SMARCC1: variants seen among roughly 807,000 people sequenced by gnomAD.
SMARCC1 encodes the protein SWI/SNF complex subunit SMARCC1.
SMARCC1 carries 43 observed loss-of-function variants against 147.4 expected under a neutral mutation model. That is an observed-to-expected ratio of 0.29 (90% CI 0.23 to 0.38). The LOEUF (loss-of-function observed/expected upper bound fraction) is 0.38. Ranked by LOEUF, SMARCC1 falls within the 10% of genes least tolerant of loss-of-function variation. The pLI is 1.00. For missense variants in SMARCC1, 1,119 were observed against 1,381.1 expected (o/e 0.81, Z 3.01); for synonymous variants, 495 against 484.4 (o/e 1.02, Z -0.29).
chr3:47,680,632 C>T (rs1429854636), intron 14 of SMARCC1, 124 bp from the exon 15 acceptor site: 6 of 505,028 alleles, frequency 1.2e-5, no homozygotes, highest in Non-Finnish European at 1.7e-5. Context: ...ACTGCAAGCT[C>T]CGCCTCCCGG....
rs913724068 is a variant in SMARCC1 at position 47,720,770 on chromosome 3, G to A, written c.647-35C>T. The A allele has an allele frequency of 2.1e-6, 3 of 1,404,226 alleles. No homozygotes were observed. The East Asian group carries it at 6.8e-5, about 32-fold the overall frequency. The allele number at this position is 1,404,226 out of a possible 1,614,324, so 87.0% of individuals were successfully genotyped here. On this transcript the variant is annotated intron_variant, in intron 6 of 27. Transcript: ENST00000254480. ...AAAAAGAAACAACTTTACTCAAACT[G>A]ACAAAATAATAAAGAAACTATGATT...
chr3:47,666,804 A>T (rs1488264715), intron 19 of SMARCC1, among the ~76,000 whole-genome samples: 1 of 152,200 alleles, frequency 6.6e-6, no homozygotes, highest in East Asian at 1.9e-4. Context: ...GGCCCAGGGA[A>T]GCCAAAGATT....
At chr3:47,706,878 C>T (rs2034000299) in intron 9 of SMARCC1, among the ~76,000 whole-genome samples, 1 of 152,150 alleles carries the variant, frequency 6.6e-6, no homozygotes, top group Non-Finnish European at 1.5e-5. Context: ...ATACACTCTA[C>T]TAAACTGACA....
At chr3:47,626,895 GA>G (rs533185829) in intron 24 of SMARCC1, among the ~76,000 whole-genome samples, 3 of 152,034 alleles carry the variant, frequency 2.0e-5, no homozygotes, top group African/African-American at 7.2e-5. Context: ...ACATGGAGTG[GA>G]AAAAAACCTC....
chr3:47,650,633 T>A (rs185347750), intron 21 of SMARCC1, among the ~76,000 whole-genome samples: 2 of 151,792 alleles, frequency 1.3e-5, no homozygotes, highest in Non-Finnish European at 2.9e-5. Flanking sequence ...CTAAGCAACA[T>A]AGTGAGACCC....
At chr3:47,639,004 G>A (rs2033012289) in intron 21 of SMARCC1, among the ~76,000 whole-genome samples, 1 of 152,184 alleles carries the variant, frequency 6.6e-6, no homozygotes, top group Non-Finnish European at 1.5e-5. Context: ...TCAGAACAGT[G>A]GTTAACAGGG....
intron 19 of SMARCC1, among the ~76,000 whole-genome samples, chr3:47,666,321 G>T (rs1461550549): frequency 6.6e-6 from 1 of 152,118 alleles, no homozygotes; most frequent in Non-Finnish European, 1.5e-5. Context: ...CAGCTCTTGT[G>T]CTCTGGACAT....
intron 19 of SMARCC1, among the ~76,000 whole-genome samples, chr3:47,663,287 C>G (rs1456146871): frequency 6.7e-6 from 1 of 149,892 alleles, no homozygotes; most frequent in Non-Finnish European, 1.5e-5. Flanking sequence ...CTAATACATA[C>G]AGACATGACT....
intron 7 of SMARCC1, among the ~76,000 whole-genome samples, chr3:47,718,986 C>A (rs2034196690): frequency 6.6e-6 from 1 of 152,164 alleles, no homozygotes. Flanking sequence ...AATCTCGGCT[C>A]ACGGCAAGCT....
At chr3:47,718,451 A>G (rs2034187674) in intron 7 of SMARCC1, among the ~76,000 whole-genome samples, 1 of 152,108 alleles carries the variant, frequency 6.6e-6, no homozygotes, top group Non-Finnish European at 1.5e-5. Context: ...TTAAAGAGAG[A>G]ATGTATTTCT....
intron 9 of SMARCC1, among the ~76,000 whole-genome samples, chr3:47,708,209 G>A (rs762897144): frequency 2.8e-5 from 4 of 141,202 alleles, no homozygotes; most frequent in Non-Finnish European, 4.5e-5. Context: ...AAGTGATTAC[G>A]GATCACTGAA....
chr3:47,633,775 T>C (rs1342368032), intron 24 of SMARCC1, among the ~76,000 whole-genome samples: 288 of 18,602 alleles, frequency 0.015, 7 homozygotes, highest in African/African-American at 0.026. Context: ...TATATATATA[T>C]ATATACACAC....
intron 3 of SMARCC1, among the ~76,000 whole-genome samples, chr3:47,743,185 G>C (rs1348034255): frequency 6.6e-6 from 1 of 152,180 alleles, no homozygotes; most frequent in Non-Finnish European, 1.5e-5. Context: ...AAGAATGACA[G>C]GTCAGTATTC....
At chr3:47,762,179 T>C (rs1034415982) in intron 2 of SMARCC1, among the ~76,000 whole-genome samples, 5 of 152,154 alleles carry the variant, frequency 3.3e-5, no homozygotes, top group African/African-American at 1.2e-4. Flanking sequence ...GACAACAGAT[T>C]CTTCTTAGCC....
intron 6 of SMARCC1, among the ~76,000 whole-genome samples, chr3:47,722,212 A>G (rs1320822357): frequency 3.3e-5 from 5 of 151,620 alleles, no homozygotes; most frequent in African/African-American, 9.7e-5. Flanking sequence ...TACTGAGTCC[A>G]TTATCAAAGA....
chr3:47,668,073 G>A (rs866852284), intron 19 of SMARCC1, among the ~76,000 whole-genome samples: 2 of 151,714 alleles, frequency 1.3e-5, no homozygotes, highest in Non-Finnish European at 2.9e-5. Context: ...ATATTAACTT[G>A]AAAAAAAATT....
In SMARCC1 at chr3:47,588,282, GGCT is replaced by G. The variant is rs2032110093; in HGVS notation, c.3242_3244del (p.Gln1081del). 1.9e-6 allele frequency: 3 copies of G among 1,613,964 alleles called. No individual in the cohort carries two copies. The East Asian group carries it at 6.7e-5, about 36-fold the overall frequency. The stretch of plus-strand genomic sequence containing the variant: ...CCCATCTGCAGGTGGTGGTGGCGGT[GGCT>G]GCTGCTGTGGTGGAGGGGGATCTGC... On this transcript the variant is annotated inframe_deletion, in exon 28 of 28. Transcript: ENST00000254480.
At chr3:47,631,404 T>C (rs770171103) in intron 24 of SMARCC1, among the ~76,000 whole-genome samples, 1 of 152,176 alleles carries the variant, frequency 6.6e-6, no homozygotes, top group Non-Finnish European at 1.5e-5. Flanking sequence ...CTGAACCTAC[T>C]ACTGCTGACA....
chr3:47,714,222 A>G (rs1010339670), intron 8 of SMARCC1, among the ~76,000 whole-genome samples, 193 bp downstream of exon 8: 1 of 152,132 alleles, frequency 6.6e-6, no homozygotes, highest in Non-Finnish European at 1.5e-5. Context: ...AAATTAGCCT[A>G]ACGTGGTGGC....
Sources: gnomAD v4.1 joint callset for allele counts (sites outside exome capture counted in the v4.1 genomes callset) on GRCh38, gnomAD v4.1.1 for gene constraint, MANE v1.5 for transcripts, NCBI Gene and HGNC (gene_info 2026-07-23, HGNC 2026-07-21) for gene names.